Variants in ARFGEF2 observed in about 807,000 individuals in gnomAD.
ARFGEF2 encodes brefeldin A-inhibited guanine nucleotide-exchange protein 2.
In ARFGEF2, 74 loss-of-function variants were observed where a neutral mutation model predicts 219.9. The observed-to-expected ratio is 0.34, with a 90% CI of 0.28 to 0.41. The LOEUF (loss-of-function observed/expected upper bound fraction) is 0.41. ARFGEF2 is among the 10% of genes least tolerant of loss of function. The pLI is 1.00. For missense variants in ARFGEF2, 1,743 were observed against 2,218.3 expected (o/e 0.79, Z 4.30); for synonymous variants, 733 against 799.2 (o/e 0.92, Z 1.40).
chr20:49,011,035 C>A (rs6019581), intron 27 of ARFGEF2, among the ~76,000 whole-genome samples: 55,624 of 152,072 alleles, frequency 0.37, 10,828 homozygotes, highest in African/African-American at 0.51. Context: ...AATGCCCCCC[C>A]AAGCATAGTG....
chr20:48,985,829 A>C (rs547615332), intron 16 of ARFGEF2, among the ~76,000 whole-genome samples: 3 of 152,246 alleles, frequency 2.0e-5, no homozygotes, highest in Non-Finnish European at 4.4e-5. Flanking sequence ...ATTGAGGACC[A>C]GAGAGGTTAA....
rs980743787 is a variant in ARFGEF2, at chr20:48,952,756, A to G, written c.475A>G (p.Ile159Val). The G allele has an allele frequency of 2.5e-6, 4 of 1,614,242 alleles. No homozygotes were observed. Among genetic ancestry groups the G allele is most frequent in the Non-Finnish European group, 3.4e-6 (4 of 1,180,036 alleles). The change falls in exon 5 of 39, where the codon ATC becomes GTC. Residue 159 changes from isoleucine (I) to valine (V), a missense_variant. By Grantham distance (29) the Ile-to-Val change is conservative. Coordinates refer to ENST00000371917, the MANE Select transcript of ARFGEF2 (RefSeq NM_006420.3). ...SPHIEIHEGT[I>V]LQTVRTCYNI... ...ACACATTGAAATTCATGAGGGTACT[A>G]TCCTGCAGACAGTGAGAACATGTTA... is the stretch of plus-strand genomic sequence containing the variant.
chr20:48,927,612 C>T (rs1006639213), intron 1 of ARFGEF2, among the ~76,000 whole-genome samples: 4 of 151,422 alleles, frequency 2.6e-5, no homozygotes, highest in Admixed American at 6.6e-5. Context: ...TGCTTGAACC[C>T]GGGAGGTGGA....
At chr20:49,024,739 C>T (rs2091590689) in intron 35 of ARFGEF2, among the ~76,000 whole-genome samples, 1 of 152,170 alleles carries the variant, frequency 6.6e-6, no homozygotes, top group Admixed American at 6.5e-5. Context: ...GTGGCTCACG[C>T]CTGTAATCCC....
intron 28 of ARFGEF2, 90 bp downstream of exon 28, chr20:49,012,174 T>C: frequency 6.4e-7 from 1 of 1,553,742 alleles, no homozygotes. Context: ...GCTTTCCAGC[T>C]ACTCTTTTAG....
chr20:49,003,447 A>T (rs971990691), intron 25 of ARFGEF2, among the ~76,000 whole-genome samples: 2 of 151,744 alleles, frequency 1.3e-5, no homozygotes, highest in African/African-American at 4.8e-5. Flanking sequence ...TCTACTAAAA[A>T]TACAAAAATT....
chr20:48,991,602 A>G (rs954467906), intron 21 of ARFGEF2, among the ~76,000 whole-genome samples: 12 of 152,092 alleles, frequency 7.9e-5, no homozygotes, highest in Non-Finnish European at 1.3e-4. Flanking sequence ...GGAGAGTGCC[A>G]GTGAATTCAC....
chr20:48,966,794 A>G (rs1786670077), intron 8 of ARFGEF2, among the ~76,000 whole-genome samples: 1 of 152,186 alleles, frequency 6.6e-6, no homozygotes, highest in Admixed American at 6.5e-5. Flanking sequence ...TAAACTGGAT[A>G]TCCATATGCT....
chr20:49,011,229 A>G (rs546526822), intron 27 of ARFGEF2, among the ~76,000 whole-genome samples: 2 of 152,252 alleles, frequency 1.3e-5, no homozygotes, highest in South Asian at 2.1e-4. Context: ...CACATACAAC[A>G]AGGTTATGTC....
intron 12 of ARFGEF2, among the ~76,000 whole-genome samples, chr20:48,973,784 A>C (rs1443746246): frequency 6.6e-6 from 1 of 152,088 alleles, no homozygotes; most frequent in Non-Finnish European, 1.5e-5. Context: ...TTGTGTGTAG[A>C]ATTTTGGTAT....
intron 6 of ARFGEF2, among the ~76,000 whole-genome samples, chr20:48,955,314 G>A (rs1041455375): frequency 2.0e-5 from 3 of 152,130 alleles, no homozygotes; most frequent in Non-Finnish European, 2.9e-5. Context: ...AGGTCTCTCA[G>A]TTCAGACTGA....
Position 49,019,075 on chromosome 20 carries a change from A to G in ARFGEF2, c.4624+77A>G, listed in dbSNP as rs139280896. The stretch of plus-strand genomic sequence containing the variant: ...ATATATTCAGAAGGCACAAAAGGGT[A>G]AACATGATAAGCCTTCTTCTGCCCT... On this transcript the variant is annotated intron_variant, in intron 34 of 38. Coordinates refer to ENST00000371917, the MANE Select transcript of ARFGEF2 (RefSeq NM_006420.3). The G allele has an allele frequency of 2.4e-4, 288 of 1,223,812 alleles. No homozygotes were observed. The African/African-American group carries it at 4.0e-3, about 17-fold the overall frequency. The allele number at this position is 1,223,812 out of a possible 1,614,324, so 75.8% of individuals were successfully genotyped here. A position where few individuals can be genotyped will look rare whatever the true frequency, so the allele number is the denominator to read the frequency against.
intron 1 of ARFGEF2, among the ~76,000 whole-genome samples, chr20:48,931,677 A>AG (rs1000212945): frequency 6.7e-6 from 1 of 149,738 alleles, no homozygotes; most frequent in Non-Finnish European, 1.5e-5. Flanking sequence ...ATCTGGGGGG[A>AG]GGGAGGGCAT....
At chr20:48,996,001 AT>A in intron 23 of ARFGEF2, 119 bp downstream of exon 23, 5 of 922,760 alleles carry the variant, frequency 5.4e-6, no homozygotes, top group Non-Finnish European at 8.9e-6. Context: ...TTAGCTACAA[AT>A]TGCTTAAGTG....
In ARFGEF2 at chr20:49,033,332, G is replaced by C; in HGVS notation, c.*133G>C. The C allele has an allele frequency of 2.1e-6, 2 of 967,426 alleles. No homozygotes were observed. The highest frequency in any genetic ancestry group is 3.1e-4 in the Middle Eastern group (1 of 3,210). 59.9% of individuals were successfully genotyped at this position (967,426 alleles called of 1,614,324 possible). ...TCTCAGAATGGCCTGGAAACGGATG[G>C]CCTCTACGCTGTTCCATCACAGTCT... On this transcript the variant is annotated 3_prime_UTR_variant, in exon 39 of 39. Transcript: ENST00000371917.
intron 16 of ARFGEF2, among the ~76,000 whole-genome samples, chr20:48,986,455 C>T (rs2091326888): frequency 6.6e-6 from 1 of 151,924 alleles, no homozygotes; most frequent in Non-Finnish European, 1.5e-5. Flanking sequence ...ATGGTGAAAT[C>T]CCGTCTCTTC....
intron 21 of ARFGEF2, among the ~76,000 whole-genome samples, chr20:48,993,799 T>G (rs2091370553): frequency 6.6e-6 from 1 of 152,324 alleles, no homozygotes; most frequent in Non-Finnish European, 1.5e-5. Context: ...GCATGCCTGA[T>G]GTAGAGCATA....
intron 6 of ARFGEF2, among the ~76,000 whole-genome samples, chr20:48,961,110 A>AATAATAATAATAATAATAATAATAATT (rs1486477179): frequency 6.7e-6 from 1 of 148,836 alleles, no homozygotes. Context: ...TAATAATAAT[A>AATAATAATAATAATAATAATAATAATT]ATTTTCTTTA....
chr20:48,966,316 A>G (rs1469648370), intron 8 of ARFGEF2, among the ~76,000 whole-genome samples: 1 of 152,218 alleles, frequency 6.6e-6, no homozygotes, highest in Non-Finnish European at 1.5e-5. Context: ...ATAGAAAAAT[A>G]AAATATATAG....
Sources: gnomAD v4.1 joint callset for allele counts (sites outside exome capture counted in the v4.1 genomes callset) on GRCh38, gnomAD v4.1.1 for gene constraint, MANE v1.5 for transcripts, NCBI Gene and HGNC (gene_info 2026-07-23, HGNC 2026-07-21) for gene names.